PDE6A: variants seen among roughly 807,000 people sequenced by gnomAD.
The protein encoded by PDE6A is phosphodiesterase 6A, also known as rod cGMP-specific 3',5'-cyclic phosphodiesterase subunit alpha.
In PDE6A, 84 loss-of-function variants were observed where a neutral mutation model predicts 106.3. The ratio of observed to expected loss-of-function variants is 0.79; its 90% CI spans 0.66 to 0.95. PDE6A has a LOEUF of 0.95. PDE6A is among the 40% of genes least tolerant of loss of function. The pLI, the probability that PDE6A is intolerant of heterozygous loss-of-function variation, is 0.00. For synonymous variants in PDE6A, 394 were observed against 386.6 expected (o/e 1.02, Z -0.23); for missense variants, 1,052 against 1,084.9 (o/e 0.97, Z 0.43).
At chr5:149,889,769 C>T (rs1202860054) in intron 13 of PDE6A, among the ~76,000 whole-genome samples, 4 of 151,658 alleles carry the variant, frequency 2.6e-5, no homozygotes, top group South Asian at 2.1e-4. Flanking sequence ...TAGCTTGGCC[C>T]GGTGGCACGC....
chr5:149,896,662 C>T (rs1393826871), intron 11 of PDE6A, 49 bp downstream of exon 11: 1 of 1,614,042 alleles, frequency 6.2e-7, no homozygotes, highest in Non-Finnish European at 8.5e-7. Context: ...CTCAGGAGCA[C>T]TTTGCACTTG....
chr5:149,877,115 T>C (rs1313913548), intron 17 of PDE6A, among the ~76,000 whole-genome samples: 1 of 152,198 alleles, frequency 6.6e-6, no homozygotes, highest in Non-Finnish European at 1.5e-5. Context: ...TGCCCTAGTG[T>C]CATGGTCCCT....
At chr5:149,926,641 C>T (rs529572249) in intron 4 of PDE6A, among the ~76,000 whole-genome samples, 2 of 152,278 alleles carry the variant, frequency 1.3e-5, no homozygotes, top group East Asian at 1.9e-4. Flanking sequence ...AATTGAACTA[C>T]ATTATCATTC....
At chr5:149,871,175 C>T (rs549674733) in intron 17 of PDE6A, among the ~76,000 whole-genome samples, 16 of 152,172 alleles carry the variant, frequency 1.1e-4, no homozygotes, top group South Asian at 4.1e-4. Flanking sequence ...TAGATGAGGT[C>T]GTAAGGTTGC....
rs1221955332 is a variant in PDE6A at position 149,944,710 on chromosome 5, G to A, written c.-37C>T. ...CCACTGGCTACTCTGTAGAAGGACT[G>A]GGACGGAGGCCTTCCAATGGCAGTT... is the stretch of plus-strand genomic sequence containing the variant. On this transcript the variant is annotated 5_prime_UTR_variant, in exon 1 of 22. Transcript: ENST00000255266. The A allele has an allele frequency of 6.5e-7, 1 of 1,532,466 alleles. No homozygotes were observed. 94.9% of individuals were successfully genotyped at this position (1,532,466 alleles called of 1,614,324 possible).
At chr5:149,867,655 G>T in intron 19 of PDE6A, 70 bp downstream of exon 19, 2 of 1,297,640 alleles carry the variant, frequency 1.5e-6, no homozygotes, top group East Asian at 2.3e-5. Context: ...CTCCATCATG[G>T]CGAGGTCATA....
At chr5:149,938,887 G>A (rs540510226) in intron 1 of PDE6A, among the ~76,000 whole-genome samples, 8 of 152,272 alleles carry the variant, frequency 5.3e-5, no homozygotes, top group South Asian at 2.1e-4. Flanking sequence ...TTGTGATTTC[G>A]CATTTCAACA....
intron 16 of PDE6A, among the ~76,000 whole-genome samples, chr5:149,884,180 T>C: frequency 7.8e-6 from 1 of 127,984 alleles, no homozygotes; most frequent in Non-Finnish European, 1.6e-5. Context: ...AGATCCTGTC[T>C]CAAAAAAGAA....
At chr5:149,908,986 T>A (rs531655409) in intron 6 of PDE6A, among the ~76,000 whole-genome samples, 9 of 152,372 alleles carry the variant, frequency 5.9e-5, no homozygotes, top group African/African-American at 2.2e-4. Flanking sequence ...AAAACTGTTA[T>A]ATTTCTTCTT....
rs1760196774 is a variant in PDE6A at position 149,863,008 on chromosome 5, C to T, written c.2506+111G>A. On this transcript the variant is annotated intron_variant, in intron 21 of 21. Coordinates refer to ENST00000255266, the MANE Select transcript of PDE6A (RefSeq NM_000440.3). The surrounding 1 kb of genome is among the most constrained non-coding windows in gnomAD (Gnocchi z 4.7). ...ACACACAGAATGGGGACAGTATTGG[C>T]CATCAGGAGGCCTGAATGAGACTCC... 2 of 1,291,340 alleles carry T rather than the reference C, an allele frequency of 1.5e-6. No homozygotes were observed. Among genetic ancestry groups the T allele is most frequent in the Admixed American group, 3.4e-5 (2 of 59,518 alleles). 80.0% of individuals were successfully genotyped at this position (1,291,340 alleles called of 1,614,324 possible). A position where few individuals can be genotyped will look rare whatever the true frequency, so the allele number is the denominator to read the frequency against.
At chr5:149,862,905 C>T (rs979853638) in intron 21 of PDE6A, among the ~76,000 whole-genome samples, 1 of 152,218 alleles carries the variant, frequency 6.6e-6, no homozygotes, top group African/African-American at 2.4e-5. Flanking sequence ...AGGCCTGGAT[C>T]GTTCCTCAGC....
At chr5:149,933,561 A>C (rs2113659939) in intron 3 of PDE6A, among the ~76,000 whole-genome samples, 1 of 152,342 alleles carries the variant, frequency 6.6e-6, no homozygotes, top group South Asian at 2.1e-4. Flanking sequence ...ACTTCAATTG[A>C]GCACTATTGC....
At chr5:149,934,383 C>T (rs1186845300) in intron 2 of PDE6A, among the ~76,000 whole-genome samples, 183 bp downstream of exon 2, 1 of 152,250 alleles carries the variant, frequency 6.6e-6, no homozygotes, top group Non-Finnish European at 1.5e-5. Flanking sequence ...TCCCTCTATT[C>T]CTGACTCCAA....
intron 4 of PDE6A, among the ~76,000 whole-genome samples, chr5:149,924,993 A>G (rs1011266871): frequency 5.9e-5 from 9 of 152,212 alleles, no homozygotes; most frequent in African/African-American, 2.2e-4. Context: ...GAAGCAGACC[A>G]GGCCTCACGA....
chr5:149,929,609 A>T (rs1326227104), intron 4 of PDE6A, among the ~76,000 whole-genome samples: 2 of 145,392 alleles, frequency 1.4e-5, no homozygotes, highest in East Asian at 2.0e-4. Context: ...TCCGTCTCAA[A>T]AAATAAATAA....
intron 4 of PDE6A, among the ~76,000 whole-genome samples, chr5:149,928,066 C>T (rs530930239): frequency 2.0e-5 from 3 of 150,814 alleles, no homozygotes; most frequent in African/African-American, 7.3e-5. Context: ...TTACAGTTAA[C>T]TTTTTTCTTT....
intron 4 of PDE6A, among the ~76,000 whole-genome samples, chr5:149,929,552 A>G (rs1257897138): frequency 2.6e-5 from 4 of 152,124 alleles, no homozygotes; most frequent in African/African-American, 9.7e-5. Flanking sequence ...ACTTGCAGTG[A>G]GCCGAGATTG....
rs189462083 is a variant in PDE6A, at chr5:149,923,693, C to A, written c.859-1984G>T. Reference sequence around the variant, plus strand: ...CAGGAGAGGCCAACTGAGAACCACACAGGTTCTTCCCCACTACTTCTTCAT... The same window carrying A: ...CAGGAGAGGCCAACTGAGAACCACAAAGGTTCTTCCCCACTACTTCTTCAT... On this transcript the variant is annotated intron_variant, in intron 4 of 21. Transcript: ENST00000255266. Among the ~76,000 whole-genome samples the A allele has an allele frequency of 2.6e-5, 4 of 152,312 alleles. No homozygotes were observed. In the East Asian group the frequency reaches 5.8e-4, roughly 22 times the overall value.
chr5:149,905,041 C>T (rs1015639342), intron 7 of PDE6A, among the ~76,000 whole-genome samples: 5 of 152,166 alleles, frequency 3.3e-5, no homozygotes, highest in African/African-American at 1.2e-4. Flanking sequence ...CAGTGCCAAA[C>T]CCAATGAGGG....
Sources: gnomAD v4.1 joint callset for allele counts (sites outside exome capture counted in the v4.1 genomes callset) on GRCh38, gnomAD v4.1.1 for gene constraint, Gnocchi (gnomAD v3.1) non-coding constraint, MANE v1.5 for transcripts, NCBI Gene and HGNC (gene_info 2026-07-23, HGNC 2026-07-21) for gene names.